The following FAT3 variants were observed in gnomAD, a reference collection of about 807,000 sequenced individuals.
FAT3 encodes the protein protocadherin Fat 3.
FAT3 carries 95 observed loss-of-function variants against 310.2 expected under a neutral mutation model. The observed-to-expected ratio is 0.31, with a 90% CI of 0.26 to 0.36. FAT3 has a LOEUF of 0.36. FAT3 is among the 10% of genes least tolerant of loss of function. FAT3 has a pLI of 1.00. For missense variants in FAT3, 5,408 were observed against 5,715.6 expected (o/e 0.95, Z 1.74); for synonymous variants, 2,314 against 2,192.9 (o/e 1.06, Z -1.54).
intron 3 of FAT3, among the ~76,000 whole-genome samples, chr11:92,649,873 TCA>T (rs1565486188): frequency 1.5e-4 from 5 of 33,910 alleles, no homozygotes; most frequent in Admixed American, 3.7e-4. Flanking sequence ...CTTTGTATGT[TCA>T]TATATATATA....
intron 3 of FAT3, among the ~76,000 whole-genome samples, chr11:92,562,738 A>C (rs524321): frequency 0.15 from 22,763 of 152,034 alleles, 1,848 homozygotes; most frequent in East Asian, 0.29. Flanking sequence ...CAAGAACCAT[A>C]AACTCTGATG....
rs551535359 is a variant in FAT3 at position 92,712,091 on chromosome 11, G to A, written c.3669+14646G>A. On this transcript the variant is annotated intron_variant, in intron 4 of 27. Transcript: ENST00000525166. Reference sequence around the variant, plus strand: ...ATAGCTGTCTGCATTCTCTACTGGTGACAAATTGTAGTGTAAAAAGAGGGA... The same window carrying A: ...ATAGCTGTCTGCATTCTCTACTGGTAACAAATTGTAGTGTAAAAAGAGGGA... 4.6e-5 allele frequency among the ~76,000 whole-genome samples: 7 copies of A among 152,288 alleles called. 1 individual carries two copies. The highest frequency in any genetic ancestry group is 1.7e-4 in the African/African-American group (7 of 41,548).
rs1471317962 is a variant in FAT3 at position 92,866,965 on chromosome 11, G to A, written c.11883G>A (p.Leu3961=). ...AGAGTAGCATCTACTTCGGCGCCCT[G>A]GTGCAAGCGGATAACATCCGCAGCC... ...STESSIYFGA[L]VQADNIRSLT... The change falls in exon 22 of 28, where the codon CTG becomes CTA. Residue 3961 remains leucine (L), a synonymous_variant. Coordinates refer to ENST00000525166, the MANE Select transcript of FAT3 (RefSeq NM_001367949.2). 1 of 1,612,962 alleles carries A rather than the reference G, an allele frequency of 6.2e-7. No homozygotes were observed.
rs1565607073 is a variant in FAT3 at position 92,800,777 on chromosome 11, G to A, written c.7764G>A (p.Val2588=). ...GAACAACTTTCTGCACTGTGAGAGT[G>A]ATTGTTGTGGATGAAAATGACAATG... is the stretch of plus-strand genomic sequence containing the variant. The part of the protein sequence containing the change: ...GGRTTFCTVR[V]IVVDENDNAP... The change falls in exon 10 of 28, where the codon GTG becomes GTA. Residue 2588 remains valine (V), a synonymous_variant. Coordinates refer to ENST00000525166, the MANE Select transcript of FAT3 (RefSeq NM_001367949.2). 2 of 1,613,920 alleles carry A rather than the reference G, an allele frequency of 1.2e-6. No homozygotes were observed. Among genetic ancestry groups the A allele is most frequent in the East Asian group, 4.5e-5 (2 of 44,850 alleles).
chr11:92,417,439 A>C (rs1950440269), intron 2 of FAT3, among the ~76,000 whole-genome samples: 1 of 152,232 alleles, frequency 6.6e-6, no homozygotes, highest in Non-Finnish European at 1.5e-5. Context: ...ATGTAGTCAG[A>C]AGGCAGGTGT....
intron 2 of FAT3, chr11:92,400,200 C>G (rs1481288687): frequency 1.3e-5 from 2 of 152,142 alleles, no homozygotes; most frequent in African/African-American, 2.4e-5. Context: ...ATAATTTCAT[C>G]AGGTATTTAT....
chr11:92,778,589 A>G lies in FAT3; in HGVS notation c.4335+4409A>G, dbSNP rs536855473. 2.0e-5 allele frequency among the ~76,000 whole-genome samples: 3 copies of G among 152,348 alleles called. No homozygotes were observed. The South Asian group carries it at 6.2e-4, about 32-fold the overall frequency. ...GTCCTTGAAGCCCATGAACTTGTTA[A>G]TAAATTTTGGCATGTGTATATGTTT... On this transcript the variant is annotated intron_variant, in intron 7 of 27. Transcript: ENST00000525166.
chr11:92,286,860 C>T (rs1946574137), intron 1 of FAT3, among the ~76,000 whole-genome samples: 1 of 152,122 alleles, frequency 6.6e-6, no homozygotes, highest in South Asian at 2.1e-4. Flanking sequence ...TGACTCATTA[C>T]TCCCTCTTGA....
chr11:92,871,071 G>T (rs1023118389), intron 22 of FAT3, among the ~76,000 whole-genome samples: 1 of 152,178 alleles, frequency 6.6e-6, no homozygotes, highest in African/African-American at 2.4e-5. Flanking sequence ...AGATTTGGGA[G>T]GCCAGGAGTT....
chr11:92,726,565 A>G (rs1021498417), intron 4 of FAT3, among the ~76,000 whole-genome samples: 3 of 152,138 alleles, frequency 2.0e-5, no homozygotes, highest in African/African-American at 7.2e-5. Flanking sequence ...GAAGATGGAA[A>G]GATACTCAGA....
intron 1 of FAT3, among the ~76,000 whole-genome samples, chr11:92,240,507 A>T (rs1443187801): frequency 6.7e-6 from 1 of 149,318 alleles, no homozygotes; most frequent in Non-Finnish European, 1.5e-5. Flanking sequence ...AAAAGCCCCC[A>T]CTCTCCCTTA....
chr11:92,673,948 A>C (rs1471803853), intron 3 of FAT3, among the ~76,000 whole-genome samples: 1 of 152,036 alleles, frequency 6.6e-6, no homozygotes, highest in African/African-American at 2.4e-5. Context: ...TGGAAGGCCA[A>C]AGTGGTTGGA....
chr11:92,733,161 C>T (rs901864668), intron 4 of FAT3, among the ~76,000 whole-genome samples: 1 of 152,090 alleles, frequency 6.6e-6, no homozygotes, highest in African/African-American at 2.4e-5. Flanking sequence ...CAGAAGGCTA[C>T]GTATGCCTTG....
intron 3 of FAT3, among the ~76,000 whole-genome samples, chr11:92,579,888 A>G (rs998027020): frequency 6.6e-6 from 1 of 152,128 alleles, no homozygotes; most frequent in African/African-American, 2.4e-5. Context: ...TCAAAAGCTT[A>G]TAAAATGCAG....
chr11:92,521,419 T>C (rs1953678626), intron 2 of FAT3, among the ~76,000 whole-genome samples: 1 of 152,152 alleles, frequency 6.6e-6, no homozygotes, highest in Non-Finnish European at 1.5e-5. Context: ...ACTTCTTACC[T>C]TTCAAGATTA....
chr11:92,837,712 C>T lies in FAT3; in HGVS notation c.10274C>T (p.Ala3425Val). ...CAGGCCGTAGACAGTGGCATTCCTG[C>T]AATGTCATCAACTGCAACTGTCAAC... ...LVQAVDSGIP[A>V]MSSTATVNID... Residue 3425 changes from alanine to valine, a missense_variant, in exon 17 of 28, where the codon GCA becomes GTA. By Grantham distance (64) the Ala-to-Val change is moderately conservative. This residue lies in a region of FAT3 where 4,588 missense variants were observed against 4,809.8 expected (regional missense o/e 0.95). Coordinates refer to ENST00000525166, the MANE Select transcript of FAT3 (RefSeq NM_001367949.2). 6.2e-7 allele frequency: 1 copy of T among 1,613,954 alleles called. No individual in the cohort carries two copies. The highest frequency in any genetic ancestry group is 8.5e-7 in the Non-Finnish European group (1 of 1,179,884).
intron 4 of FAT3, among the ~76,000 whole-genome samples, chr11:92,759,787 T>C (rs1946097605): frequency 6.6e-6 from 1 of 152,118 alleles, no homozygotes; most frequent in South Asian, 2.1e-4. Flanking sequence ...CAGCATCCTC[T>C]AGTGAGCAGC....
rs1565635096 is a variant in FAT3, at chr11:92,835,008, A to G, written c.10010A>G (p.Asn3337Ser). The G allele has an allele frequency of 6.2e-7, 1 of 1,613,696 alleles. No individual in the cohort carries two copies. Among genetic ancestry groups the G allele is most frequent in the South Asian group, 1.1e-5 (1 of 90,966 alleles). The stretch of plus-strand genomic sequence containing the variant: ...ATCAACCTCACAGATGTTAATGACA[A>G]CCCTCCCAAGTTCAGCCAAGACGTC... ...VNINLTDVND[N>S]PPKFSQDVYS... Residue 3337 changes from asparagine to serine, a missense_variant, in exon 15 of 28, where the codon AAC becomes AGC. Coordinates refer to ENST00000525166, the MANE Select transcript of FAT3 (RefSeq NM_001367949.2).
At chr11:92,408,958 G>A (rs368507257) in intron 2 of FAT3, among the ~76,000 whole-genome samples, 39 of 152,176 alleles carry the variant, frequency 2.6e-4, no homozygotes, top group East Asian at 7.7e-4. Context: ...GCAAAAGTTC[G>A]TTTTAAAATT....
Sources: gnomAD v4.1 joint callset for allele counts (sites outside exome capture counted in the v4.1 genomes callset) on GRCh38, gnomAD v4.1.1 for gene constraint, gnomAD v4.1.1 regional missense constraint, MANE v1.5 for transcripts, NCBI Gene and HGNC (gene_info 2026-07-23, HGNC 2026-07-21) for gene names.